SENP7: variants seen among roughly 807,000 people sequenced by gnomAD.
SENP7 encodes sentrin-specific protease 7.
A neutral mutation model predicts 141.2 loss-of-function variants in SENP7; 64 were observed. That is an observed-to-expected ratio of 0.45 (90% CI 0.37 to 0.56). The LOEUF is 0.56. SENP7 is among the 20% of genes least tolerant of loss of function. The pLI is 0.00. For synonymous variants in SENP7, 382 were observed against 426.4 expected, an observed-to-expected ratio of 0.90 and a Z score of 1.28; for missense variants, 1,025 against 1,212.2, an observed-to-expected ratio of 0.85 and a Z score of 2.29.
chr3:101,363,942 G>T (rs192515897), intron 10 of SENP7, among the ~76,000 whole-genome samples: 1 of 152,326 alleles, frequency 6.6e-6, no homozygotes, highest in Admixed American at 6.5e-5. Context: ...TACCAGCTGG[G>T]AGCGGTAGCT....
At chr3:101,381,971 G>A (rs2060514923) in intron 6 of SENP7, among the ~76,000 whole-genome samples, 1 of 152,040 alleles carries the variant, frequency 6.6e-6, no homozygotes, top group Non-Finnish European at 1.5e-5. Context: ...TGACAGAGCT[G>A]GAATACATTA....
At chr3:101,368,276 G>A (rs1264700870) in intron 7 of SENP7, among the ~76,000 whole-genome samples, 1 of 151,652 alleles carries the variant, frequency 6.6e-6, no homozygotes, top group Non-Finnish European at 1.5e-5. Flanking sequence ...TTTCATAGTA[G>A]CCAAAGCAAA....
At chr3:101,419,787 C>G (rs1306137134) in intron 4 of SENP7, among the ~76,000 whole-genome samples, 1 of 152,128 alleles carries the variant, frequency 6.6e-6, no homozygotes, top group Non-Finnish European at 1.5e-5. Context: ...GCATTAAGTG[C>G]TAATATTTAT....
At chr3:101,369,129 C>T (rs931477703) in intron 7 of SENP7, among the ~76,000 whole-genome samples, 14 of 152,110 alleles carry the variant, frequency 9.2e-5, no homozygotes, top group Admixed American at 3.9e-4. Flanking sequence ...TATTTGTTAT[C>T]AAATATATGT....
chr3:101,509,653 T>G (rs2065769090), intron 1 of SENP7, among the ~76,000 whole-genome samples: 1 of 152,244 alleles, frequency 6.6e-6, no homozygotes, highest in Non-Finnish European at 1.5e-5. Context: ...AACTAATCGT[T>G]AAGTTCTCAT....
intron 16 of SENP7, 110 bp from the exon 17 acceptor site, chr3:101,337,741 A>G (rs2059223318): frequency 1.0e-6 from 1 of 985,994 alleles, no homozygotes; most frequent in Non-Finnish European, 1.4e-6. Flanking sequence ...TTTTGATTCA[A>G]AGCAATCTTG....
At chr3:101,379,292 A>G (rs974098435) in intron 6 of SENP7, among the ~76,000 whole-genome samples, 1 of 152,320 alleles carries the variant, frequency 6.6e-6, no homozygotes, top group Non-Finnish European at 1.5e-5. Context: ...TTCTTGGAAG[A>G]AAACATAGGG....
At chr3:101,507,070 A>G (rs1437188492) in intron 1 of SENP7, among the ~76,000 whole-genome samples, 1 of 151,952 alleles carries the variant, frequency 6.6e-6, no homozygotes, top group Non-Finnish European at 1.5e-5. Flanking sequence ...CAAAAAAAAA[A>G]AAAAAAAAAG....
intron 13 of SENP7, chr3:101,347,231 G>GA (rs2059487247): frequency 6.6e-6 from 1 of 150,950 alleles, no homozygotes; most frequent in South Asian, 2.1e-4. Flanking sequence ...CAAACAAAAA[G>GA]AAAAAAAGGA....
intron 3 of SENP7, among the ~76,000 whole-genome samples, chr3:101,463,400 T>TATATATATATATATACAC (rs60569501): frequency 0.14 from 10,279 of 75,854 alleles, 888 homozygotes; most frequent in Admixed American, 0.23. Context: ...TATATATACA[T>TATATATATATATATACAC]ATATATATAT....
chr3:101,508,316 G>T (rs1013045351), intron 1 of SENP7, among the ~76,000 whole-genome samples: 4 of 152,076 alleles, frequency 2.6e-5, no homozygotes, highest in Non-Finnish European at 5.9e-5. Flanking sequence ...CTTTAAGGAG[G>T]CCAGGCGCAG....
intron 17 of SENP7, among the ~76,000 whole-genome samples, chr3:101,336,645 C>T (rs771114668): frequency 1.3e-5 from 2 of 152,066 alleles, no homozygotes; most frequent in African/African-American, 4.8e-5. Flanking sequence ...GAAATGTTTA[C>T]ACTAACTTTT....
intron 5 of SENP7, among the ~76,000 whole-genome samples, chr3:101,408,668 T>C (rs1035838715): frequency 1.4e-4 from 21 of 151,986 alleles, no homozygotes; most frequent in African/African-American, 4.1e-4. Flanking sequence ...ATAAACAGAA[T>C]TAAAAACAAA....
intron 5 of SENP7, among the ~76,000 whole-genome samples, chr3:101,405,862 C>T (rs371207638): frequency 5.3e-4 from 81 of 152,234 alleles, no homozygotes; most frequent in African/African-American, 1.8e-3. Flanking sequence ...TTCAAATTAA[C>T]CCAATCCAAC....
intron 7 of SENP7, among the ~76,000 whole-genome samples, chr3:101,370,514 TTAAA>T (rs1284118133): frequency 1.3e-5 from 2 of 152,224 alleles, no homozygotes; most frequent in African/African-American, 4.8e-5. Context: ...CCTGTATAGT[TTAAA>T]TAATCTCTAG....
At chr3:101,447,102 A>G (rs1050126234) in intron 4 of SENP7, among the ~76,000 whole-genome samples, 5 of 152,230 alleles carry the variant, frequency 3.3e-5, no homozygotes, top group Non-Finnish European at 4.4e-5. Flanking sequence ...CACTACTATT[A>G]ATATCAACAA....
intron 6 of SENP7, among the ~76,000 whole-genome samples, chr3:101,398,205 A>G (rs140156405): frequency 0.044 from 6,709 of 152,346 alleles, 213 homozygotes; most frequent in Non-Finnish European, 0.061. Context: ...CACGCCTGTA[A>G]TGCCAGCCCT....
chr3:101,457,844 G>A, intron 4 of SENP7: 2 of 555,064 alleles, frequency 3.6e-6, no homozygotes, highest in African/African-American at 1.9e-5. Flanking sequence ...GGCAGCTAAA[G>A]GGGAATGATG....
At chr3:101,411,246 T>C (rs1187585565) in intron 5 of SENP7, among the ~76,000 whole-genome samples, 1 of 152,220 alleles carries the variant, frequency 6.6e-6, no homozygotes, top group Non-Finnish European at 1.5e-5. Context: ...TATCACTTAA[T>C]TTTCATATTT....
Sources: allele counts gnomAD v4.1 joint callset (sites outside exome capture counted in the v4.1 genomes callset), GRCh38; gene constraint gnomAD v4.1.1; transcripts MANE v1.5; gene names NCBI Gene and HGNC (gene_info 2026-07-23, HGNC 2026-07-21).